Variants in CSMD1 observed in about 807,000 individuals in gnomAD.
CSMD1 encodes CUB and Sushi multiple domains 1.
A neutral mutation model predicts 417.5 loss-of-function variants in CSMD1; 213 were observed. That is an observed-to-expected ratio of 0.51 (90% CI 0.46 to 0.57). The LOEUF (loss-of-function observed/expected upper bound fraction) is 0.57. Ranked by LOEUF, CSMD1 falls within the 20% of genes least tolerant of loss-of-function variation. The pLI is 0.00. For synonymous variants in CSMD1, 2,862 were observed against 1,736.8 expected, an observed-to-expected ratio of 1.65 and a Z score of -16.11; for missense variants, 6,923 against 4,529.7, an observed-to-expected ratio of 1.53 and a Z score of -15.17.
At chr8:4,766,598 T>G (rs1812481301) in intron 1 of CSMD1, among the ~76,000 whole-genome samples, 1 of 152,204 alleles carries the variant, frequency 6.6e-6, no homozygotes, top group East Asian at 1.9e-4. Context: ...GGGCATTTAT[T>G]GCGTGTTTAC....
intron 2 of CSMD1, among the ~76,000 whole-genome samples, chr8:4,607,939 G>A (rs1421104388): frequency 1.3e-5 from 2 of 152,274 alleles, no homozygotes; most frequent in East Asian, 1.9e-4. Context: ...AGGTCTCACT[G>A]ACATCTGGCG....
At position 4,052,038 on chromosome 8, in the gene CSMD1, G is replaced by T. The variant is rs141177131; in HGVS notation, c.416-19939C>A. Among the ~76,000 whole-genome samples the T allele has an allele frequency of 3.1e-3, 469 of 151,852 alleles. 3 individuals carry two copies. The highest frequency in any genetic ancestry group is 0.011 in the African/African-American group (435 of 41,394). On this transcript the variant is annotated intron_variant, in intron 3 of 69. Transcript: ENST00000635120. The stretch of plus-strand genomic sequence containing the variant: ...TCTCCCTGTCATATACAGGTTCAAG[G>T]GATTATCCTGCCTCAGCCTCCCAAG...
intron 10 of CSMD1, among the ~76,000 whole-genome samples, chr8:3,498,377 A>T (rs1796454852): frequency 6.6e-6 from 1 of 152,124 alleles, no homozygotes; most frequent in Non-Finnish European, 1.5e-5. Flanking sequence ...ACCTCAAATA[A>T]TTTTTTCTTT....
At chr8:4,255,378 G>A (rs936533995) in intron 3 of CSMD1, among the ~76,000 whole-genome samples, 1 of 152,114 alleles carries the variant, frequency 6.6e-6, no homozygotes, top group African/African-American at 2.4e-5. Context: ...AAAGGTGACT[G>A]AGCAAAAAAA....
At chr8:4,778,058 A>G (rs1420400167) in intron 1 of CSMD1, among the ~76,000 whole-genome samples, 1 of 152,178 alleles carries the variant, frequency 6.6e-6, no homozygotes, top group Non-Finnish European at 1.5e-5. Context: ...CAGACACATA[A>G]ACACACACAG....
chr8:2,956,898 T>C (rs1341182232), intron 63 of CSMD1, among the ~76,000 whole-genome samples: 2 of 152,172 alleles, frequency 1.3e-5, no homozygotes, highest in African/African-American at 4.8e-5. Context: ...TGTATATACA[T>C]ATATATGTAC....
At chr8:4,985,590 C>T (rs981379527) in intron 1 of CSMD1, among the ~76,000 whole-genome samples, 1 of 152,152 alleles carries the variant, frequency 6.6e-6, no homozygotes, top group African/African-American at 2.4e-5. Flanking sequence ...TATATCTTCC[C>T]TAAATCACAG....
At chr8:4,218,034 G>A (rs1329087946) in intron 3 of CSMD1, among the ~76,000 whole-genome samples, 1 of 152,138 alleles carries the variant, frequency 6.6e-6, no homozygotes, top group African/African-American at 2.4e-5. Context: ...CTTTACTGAT[G>A]GGTTTCTGGC....
chr8:3,456,028 GC>G (rs1227224246), intron 12 of CSMD1, among the ~76,000 whole-genome samples: 3 of 152,112 alleles, frequency 2.0e-5, no homozygotes, highest in African/African-American at 7.2e-5. Flanking sequence ...CCCTCCCCCA[GC>G]CTCGCCGCCG....
intron 33 of CSMD1, 72 bp downstream of exon 33, chr8:3,199,638 TTGTC>T: frequency 1.2e-6 from 1 of 835,694 alleles, no homozygotes. Flanking sequence ...TTTGAGTGCT[TTGTC>T]TGAGACTAGC....
chr8:3,946,412 G>A (rs770404889), intron 5 of CSMD1, among the ~76,000 whole-genome samples: 3 of 152,042 alleles, frequency 2.0e-5, no homozygotes, highest in Admixed American at 6.6e-5. Flanking sequence ...GAGCAATCCC[G>A]CATCACCTTG....
intron 1 of CSMD1, among the ~76,000 whole-genome samples, chr8:4,833,362 A>G (rs570800479): frequency 1.3e-5 from 2 of 152,144 alleles, no homozygotes; most frequent in Non-Finnish European, 2.9e-5. Flanking sequence ...GAAGTGCTAC[A>G]CACTTTCAGA....
chr8:4,121,567 T>A (rs1025500747), intron 3 of CSMD1, among the ~76,000 whole-genome samples: 11 of 147,706 alleles, frequency 7.4e-5, no homozygotes, highest in African/African-American at 2.7e-4. Context: ...ATGTAATCAA[T>A]CTTTTATTTT....
At chr8:4,036,593 G>A (rs919149120) in intron 3 of CSMD1, among the ~76,000 whole-genome samples, 1 of 152,160 alleles carries the variant, frequency 6.6e-6, no homozygotes, top group Non-Finnish European at 1.5e-5. Context: ...ATTTTTAATA[G>A]GGAAAAATTA....
intron 1 of CSMD1, among the ~76,000 whole-genome samples, chr8:4,755,597 T>A (rs764495093): frequency 8.5e-5 from 13 of 152,208 alleles, no homozygotes; most frequent in Non-Finnish European, 1.6e-4. Flanking sequence ...GTTGATTTTA[T>A]CAGATGGAAA....
intron 1 of CSMD1, among the ~76,000 whole-genome samples, chr8:4,740,158 T>C (rs1437865012): frequency 6.6e-6 from 1 of 152,112 alleles, no homozygotes; most frequent in Non-Finnish European, 1.5e-5. Flanking sequence ...GACTGTGCAA[T>C]GAGAGCCTGA....
At chr8:4,084,745 A>G (rs1284738448) in intron 3 of CSMD1, among the ~76,000 whole-genome samples, 1 of 84,754 alleles carries the variant, frequency 1.2e-5, no homozygotes, top group Admixed American at 1.3e-4. Flanking sequence ...GCCCACCCCC[A>G]CCCCCCTACC....
intron 2 of CSMD1, among the ~76,000 whole-genome samples, chr8:4,441,525 A>C (rs1157892311): frequency 6.6e-6 from 1 of 152,080 alleles, no homozygotes; most frequent in African/African-American, 2.4e-5. Flanking sequence ...AATAACTTTC[A>C]ATTTTCATGT....
At chr8:3,450,983 C>T (rs1815673500) in intron 12 of CSMD1, among the ~76,000 whole-genome samples, 1 of 152,262 alleles carries the variant, frequency 6.6e-6, no homozygotes, top group South Asian at 2.1e-4. Context: ...CCTGTTGTTT[C>T]CTGACTTTCT....
Sources: allele counts gnomAD v4.1 joint callset (sites outside exome capture counted in the v4.1 genomes callset), GRCh38; gene constraint gnomAD v4.1.1; transcripts MANE v1.5; gene names NCBI Gene and HGNC (gene_info 2026-07-23, HGNC 2026-07-21).